The following GPR55 variants were observed in gnomAD, a reference collection of about 807,000 sequenced individuals.
The protein encoded by GPR55 is G protein-coupled receptor 55.
A neutral mutation model predicts 7.9 loss-of-function variants in GPR55; 6 were observed. The observed-to-expected ratio is 0.76, with a 90% CI of 0.41 to 1.49. The LOEUF is 1.49. GPR55 is among the 40% of genes most tolerant of loss of function. The pLI is 0.01. For synonymous variants in GPR55, 183 were observed against 166.8 expected (o/e 1.10, Z -0.75); for missense variants, 376 against 406.0 (o/e 0.93, Z 0.63).
intron 1 of GPR55, among the ~76,000 whole-genome samples, chr2:230,936,660 G>T (rs1691137761): frequency 6.6e-6 from 1 of 152,222 alleles, no homozygotes; most frequent in African/African-American, 2.4e-5. Context: ...GGTTCTGCCT[G>T]CAGGAGTGGC....
At chr2:230,958,131 A>G (rs1691520099) in intron 1 of GPR55, among the ~76,000 whole-genome samples, 1 of 152,262 alleles carries the variant, frequency 6.6e-6, no homozygotes, top group African/African-American at 2.4e-5. Flanking sequence ...TTTAAATTTA[A>G]CATTTTCAGG....
chr2:230,911,397 G>T (rs1690588306), intron 1 of GPR55, among the ~76,000 whole-genome samples: 1 of 152,192 alleles, frequency 6.6e-6, no homozygotes, highest in East Asian at 1.9e-4. Context: ...CTGGATCAGG[G>T]ATTCAAATGC....
intron 1 of GPR55, chr2:230,957,910 C>G: frequency 2.0e-6 from 1 of 504,886 alleles, no homozygotes; most frequent in Non-Finnish European, 3.9e-6. Flanking sequence ...AAGTACCCAT[C>G]TTGATCCTGA....
intron 1 of GPR55, among the ~76,000 whole-genome samples, chr2:230,919,840 G>A (rs937154815): frequency 1.3e-5 from 2 of 151,478 alleles, no homozygotes; most frequent in African/African-American, 2.4e-5. Flanking sequence ...AGTTCACTAC[G>A]GTAAATTTAC....
chr2:230,925,949 T>C (rs1690934413), upstream of GPR55, among the ~76,000 whole-genome samples: 1 of 152,162 alleles, frequency 6.6e-6, no homozygotes, highest in Non-Finnish European at 1.5e-5. Flanking sequence ...CCCGTGGGCC[T>C]GGGTGGCTCT....
Position 230,935,416 on chromosome 2 carries a change from G to T in GPR55, c.-134-24320C>A, listed in dbSNP as rs1191121914. Among the ~76,000 whole-genome samples, 7 of 152,312 alleles carry T rather than the reference G, an allele frequency of 4.6e-5. 2 individuals are homozygous for T. The Middle Eastern group carries it at 0.02, about 444-fold the overall frequency. On this transcript the variant is annotated intron_variant, in intron 1 of 1. Transcript: ENST00000392039. ...TCTTTCCTTCTGAAGCTCCTAGGGG[G>T]CCTTGAGTGAGTGACTTGCTTTGGC... is the stretch of plus-strand genomic sequence containing the variant.
chr2:230,910,282 G>A lies in GPR55; in HGVS notation c.681C>T (p.Ser227=). ...DWVQQKACIY[S]IAASLAVFVV... is the part of the protein sequence containing the mutation. Reference sequence around the variant, plus strand: ...CGAAGACAGCCAGGCTGGCTGCGATGCTGTAGATGCAGGCTTTCTGCTGCA... The same window carrying A: ...CGAAGACAGCCAGGCTGGCTGCGATACTGTAGATGCAGGCTTTCTGCTGCA... The change falls in exon 2 of 2, where the codon AGC becomes AGT. Residue 227 remains serine, a synonymous_variant. Transcript: ENST00000650999. This position sits in a 1 kb window ranked among gnomAD's most constrained non-coding sequence, Gnocchi z 5.4. The A allele has an allele frequency of 6.2e-7, 1 of 1,614,012 alleles. No homozygotes were observed. Among genetic ancestry groups the A allele is most frequent in the Non-Finnish European group, 8.5e-7 (1 of 1,179,946 alleles).
At position 230,907,621 on chromosome 2, in the gene GPR55, C is replaced by T. The variant is rs1370401506; in HGVS notation, c.*2382G>A. The T allele has an allele frequency of 2.6e-5, 4 of 152,288 alleles. No homozygotes were observed. The highest frequency in any genetic ancestry group is 5.9e-5 in the Non-Finnish European group (4 of 68,118). 9.4% of individuals were successfully genotyped at this position (152,288 alleles called of 1,614,324 possible). A position where few individuals can be genotyped will look rare whatever the true frequency, so the allele number is the denominator to read the frequency against. ...CACACCCACAGGTCCATAGTTGTCA[C>T]ATCACACTGAGACTGCTGATACCCT... On this transcript the variant is annotated 3_prime_UTR_variant, in exon 2 of 2. Transcript: ENST00000650999.
chr2:230,939,509 G>A (rs138816360), intron 1 of GPR55, among the ~76,000 whole-genome samples: 203 of 152,256 alleles, frequency 1.3e-3, no homozygotes, highest in Non-Finnish European at 1.5e-3. Context: ...GGCATCTCCT[G>A]GGCTGCCCAG....
At chr2:230,949,431 A>G (rs10199621) in intron 1 of GPR55, among the ~76,000 whole-genome samples, 75,539 of 152,152 alleles carry the variant, frequency 0.5, 22,009 homozygotes, top group African/African-American at 0.81. Context: ...CAATGTGCTG[A>G]GATCACAGGC....
At chr2:230,914,494 AG>A in intron 1 of GPR55, among the ~76,000 whole-genome samples, 1 of 152,364 alleles carries the variant, frequency 6.6e-6, no homozygotes, top group Middle Eastern at 3.4e-3. Context: ...TGAAAGTCCA[AG>A]GAAACCATCT....
At chr2:230,915,611 AGC>A (rs1423014630) in intron 1 of GPR55, among the ~76,000 whole-genome samples, 1 of 152,188 alleles carries the variant, frequency 6.6e-6, no homozygotes, top group Non-Finnish European at 1.5e-5. Flanking sequence ...CAGGAGATGA[AGC>A]GCCATGTTTC....
At chr2:230,953,161 G>T (rs1224346250) in intron 1 of GPR55, among the ~76,000 whole-genome samples, 2 of 152,202 alleles carry the variant, frequency 1.3e-5, no homozygotes, top group African/African-American at 4.8e-5. Context: ...GGTGGTGGTT[G>T]TGTGGATCCT....
chr2:230,920,053 T>G (rs1574622432), intron 1 of GPR55, among the ~76,000 whole-genome samples: 1 of 150,756 alleles, frequency 6.6e-6, no homozygotes, highest in Non-Finnish European at 1.5e-5. Context: ...AGTTGGAAGG[T>G]GGGTGATTTT....
At chr2:230,932,222 G>T (rs1254060986) in intron 1 of GPR55, among the ~76,000 whole-genome samples, 1 of 152,248 alleles carries the variant, frequency 6.6e-6, no homozygotes, top group Non-Finnish European at 1.5e-5. Context: ...CCGTCAGGTG[G>T]TTGCAGCTGT....
chr2:230,949,225 G>A (rs565178721), intron 1 of GPR55, among the ~76,000 whole-genome samples: 59 of 151,956 alleles, frequency 3.9e-4, no homozygotes, highest in African/African-American at 1.2e-3. Context: ...GTGCAATGGC[G>A]CAATCTCAGC....
intron 1 of GPR55, among the ~76,000 whole-genome samples, chr2:230,953,392 G>A: frequency 6.6e-6 from 1 of 152,200 alleles, no homozygotes; most frequent in East Asian, 1.9e-4. Flanking sequence ...CAGAGGGATA[G>A]GATGTGAGAA....
At position 230,910,056 on chromosome 2, in the gene GPR55, G is replaced by C; in HGVS notation, c.907C>G (p.Arg303Gly). 6.2e-7 allele frequency: 1 copy of C among 1,614,028 alleles called. No homozygotes were observed. Among genetic ancestry groups the C allele is most frequent in the East Asian group, 2.2e-5 (1 of 44,884 alleles). Residue 303 changes from arginine (R) to glycine (G), a missense_variant, in exon 2 of 2, where the codon CGG becomes GGG. Physicochemically the swap from Arg to Gly is moderately radical, Grantham distance 125. Coordinates refer to ENST00000650999, the MANE Select transcript of GPR55 (RefSeq NM_005683.4). The surrounding 1 kb of genome is among the most constrained non-coding windows in gnomAD (Gnocchi z 5.4). ...AGGACCAGCTGGACCCTGGAAGGCC[G>C]GTGGGCCCTGATGTTCATGCGGAAT... ...KEFRMNIRAHRPSRVQLVLQD... is the reference protein window; with the variant it reads ...KEFRMNIRAHGPSRVQLVLQD...
At chr2:230,957,507 C>G (rs59509830) in intron 1 of GPR55, 23,969 of 352,400 alleles carry the variant, frequency 0.068, 1,285 homozygotes, top group African/African-American at 0.17. Context: ...TGAATTTGGG[C>G]GGGACGGGGA....
Sources: gnomAD v4.1 joint callset for allele counts (sites outside exome capture counted in the v4.1 genomes callset) on GRCh38, gnomAD v4.1.1 for gene constraint, Gnocchi (gnomAD v3.1) non-coding constraint, MANE v1.5 for transcripts, NCBI Gene and HGNC (gene_info 2026-07-23, HGNC 2026-07-21) for gene names.